ATP8A1: variants seen among roughly 807,000 people sequenced by gnomAD.
ATP8A1 encodes the protein phospholipid-transporting ATPase IA.
In ATP8A1, 90 loss-of-function variants were observed where a neutral mutation model predicts 177.7. The ratio of observed to expected loss-of-function variants is 0.51; its 90% CI spans 0.43 to 0.60. The LOEUF (loss-of-function observed/expected upper bound fraction) is 0.60, where lower values mean the gene tolerates loss of function less well. Ranked by LOEUF, ATP8A1 falls within the 20% of genes least tolerant of loss-of-function variation. The pLI is 0.00. For synonymous variants in ATP8A1, 493 were observed against 485.9 expected, an observed-to-expected ratio of 1.01 and a Z score of -0.19; for missense variants, 1,072 against 1,392.8, an observed-to-expected ratio of 0.77 and a Z score of 3.67.
At chr4:42,476,808 C>G (rs1436122870) in intron 25 of ATP8A1, among the ~76,000 whole-genome samples, 1 of 152,066 alleles carries the variant, frequency 6.6e-6, no homozygotes, top group East Asian at 1.9e-4. Context: ...CAATAATCAA[C>G]AACAACAAAA....
At chr4:42,618,090 C>T (rs937165432) in intron 4 of ATP8A1, among the ~76,000 whole-genome samples, 19 of 152,166 alleles carry the variant, frequency 1.2e-4, no homozygotes, top group African/African-American at 3.6e-4. Context: ...TGACAGCACA[C>T]GAATAAACTG....
At chr4:42,624,491 T>A in intron 4 of ATP8A1, 45 bp downstream of exon 4, 1 of 1,088,986 alleles carries the variant, frequency 9.2e-7, no homozygotes, top group South Asian at 1.8e-5. Context: ...AAAGCATATA[T>A]AAATAACAAA....
chr4:42,632,568 T>C (rs1738854744), intron 1 of ATP8A1, among the ~76,000 whole-genome samples: 2 of 152,218 alleles, frequency 1.3e-5, no homozygotes, highest in Admixed American at 6.6e-5. Flanking sequence ...ATGTAACTTT[T>C]AACTACTGAA....
At chr4:42,521,315 T>C (rs1316819881) in intron 22 of ATP8A1, among the ~76,000 whole-genome samples, 2 of 152,156 alleles carry the variant, frequency 1.3e-5, no homozygotes, top group East Asian at 3.9e-4. Context: ...AGAAGCTGTG[T>C]ACTCTCAGCC....
chr4:42,556,965 G>A (rs919369588), intron 15 of ATP8A1, among the ~76,000 whole-genome samples: 5 of 152,168 alleles, frequency 3.3e-5, no homozygotes, highest in Non-Finnish European at 7.4e-5. Context: ...ATGTCAACAT[G>A]TCAGATATCA....
At chr4:42,495,402 C>A (rs1466162990) in intron 24 of ATP8A1, among the ~76,000 whole-genome samples, 1 of 152,150 alleles carries the variant, frequency 6.6e-6, no homozygotes, top group African/African-American at 2.4e-5. Context: ...TCCATATACT[C>A]CTACGCAACA....
chr4:42,624,463 A>T, intron 4 of ATP8A1, 73 bp downstream of exon 4: 1 of 803,294 alleles, frequency 1.2e-6, no homozygotes, highest in Non-Finnish European at 1.9e-6. Context: ...TAAATAATTT[A>T]AGAAAAAACT....
At chr4:42,433,003 G>C (rs1191748934) in intron 33 of ATP8A1, among the ~76,000 whole-genome samples, 2 of 152,050 alleles carry the variant, frequency 1.3e-5, no homozygotes, top group African/African-American at 4.8e-5. Context: ...TATGGCTTCT[G>C]GTACTCTCTG....
At chr4:42,557,115 T>A (rs1730318079) in intron 15 of ATP8A1, among the ~76,000 whole-genome samples, 1 of 152,212 alleles carries the variant, frequency 6.6e-6, no homozygotes, top group South Asian at 2.1e-4. Context: ...GTTAGAATGT[T>A]TATAATGGAA....
At chr4:42,615,947 G>T in intron 5 of ATP8A1, 86 bp downstream of exon 5, 1 of 1,247,234 alleles carries the variant, frequency 8.0e-7, no homozygotes, top group Non-Finnish European at 1.1e-6. Flanking sequence ...CACACTATTT[G>T]CAATTGAATT....
intron 6 of ATP8A1, among the ~76,000 whole-genome samples, chr4:42,594,567 A>G (rs1734535855): frequency 6.6e-6 from 1 of 152,078 alleles, no homozygotes; most frequent in East Asian, 1.9e-4. Context: ...TGTATATTGG[A>G]TATATAACTT....
intron 5 of ATP8A1, among the ~76,000 whole-genome samples, chr4:42,614,084 G>A (rs961105918): frequency 2.1e-5 from 3 of 142,864 alleles, no homozygotes; most frequent in Admixed American, 6.9e-5. Flanking sequence ...TTAGCCATAG[G>A]GCCAATCCTG....
intron 22 of ATP8A1, among the ~76,000 whole-genome samples, chr4:42,507,897 TA>T (rs1178128838): frequency 6.6e-6 from 1 of 151,286 alleles, no homozygotes; most frequent in Non-Finnish European, 1.5e-5. Flanking sequence ...TTAACACTAT[TA>T]AATTGTAATT....
chr4:42,605,729 C>CGAATCTTTGT (rs2109415763), intron 5 of ATP8A1, among the ~76,000 whole-genome samples: 1 of 152,248 alleles, frequency 6.6e-6, no homozygotes, highest in African/African-American at 2.4e-5. Context: ...CGACCTTTTG[C>CGAATCTTTGT]GAATCTTTGT....
intron 27 of ATP8A1, among the ~76,000 whole-genome samples, chr4:42,458,082 A>G (rs532390513): frequency 3.2e-4 from 49 of 152,320 alleles, no homozygotes; most frequent in African/African-American, 1.1e-3. Flanking sequence ...TCAAGTTTAC[A>G]TATCTTAAAG....
At chr4:42,593,280 T>C (rs1353951199) in intron 6 of ATP8A1, among the ~76,000 whole-genome samples, 1 of 152,090 alleles carries the variant, frequency 6.6e-6, no homozygotes, top group Non-Finnish European at 1.5e-5. Flanking sequence ...CACTCAGTTT[T>C]AGAGATTTAT....
At chr4:42,594,146 A>T (rs1425096822) in intron 6 of ATP8A1, 2 of 497,716 alleles carry the variant, frequency 4.0e-6, no homozygotes, top group African/African-American at 3.8e-5. Context: ...AAGTCCAATC[A>T]ATTTTTTAAA....
intron 27 of ATP8A1, among the ~76,000 whole-genome samples, chr4:42,461,904 G>A (rs1268625353): frequency 6.6e-6 from 1 of 152,202 alleles, no homozygotes; most frequent in Non-Finnish European, 1.5e-5. Context: ...GAACTTGCTG[G>A]TAACTGGAGC....
Position 42,627,052 on chromosome 4 carries a change from A to C in ATP8A1, c.107T>G (p.Val36Gly). 6.2e-7 allele frequency: 1 copy of C among 1,614,134 alleles called. No homozygotes were observed. ...EKTSLADQEE[V>G]RTIFINQPQL... is the part of the protein sequence containing the mutation. The stretch of plus-strand genomic sequence containing the variant: ...GGGCTGGTTGATGAAAATAGTCCTT[A>C]CTTCCTCCTGGTCAGCCAGTGAGGT... Residue 36 changes from valine to glycine, a missense_variant, in exon 2 of 37, where the codon GTA becomes GGA. This residue lies in a region of ATP8A1 where 344 missense variants were observed against 393.5 expected (regional missense o/e 0.87). Coordinates refer to ENST00000381668, the MANE Select transcript of ATP8A1 (RefSeq NM_006095.2).
Sources: gnomAD v4.1 joint callset for allele counts (sites outside exome capture counted in the v4.1 genomes callset) on GRCh38, gnomAD v4.1.1 for gene constraint, gnomAD v4.1.1 regional missense constraint, MANE v1.5 for transcripts, NCBI Gene and HGNC (gene_info 2026-07-23, HGNC 2026-07-21) for gene names.